The following CCDC178 variants were observed in gnomAD, a reference collection of about 807,000 sequenced individuals.
CCDC178 encodes coiled-coil domain-containing protein 178.
A neutral mutation model predicts 117.4 loss-of-function variants in CCDC178; 126 were observed. The observed-to-expected ratio is 1.07, with a 90% CI of 0.93 to 1.24. The LOEUF (loss-of-function observed/expected upper bound fraction) is 1.24, where lower values mean the gene tolerates loss of function less well. Ranked by LOEUF, CCDC178 falls within the 50% of genes most tolerant of loss-of-function variation. CCDC178 has a pLI of 0.00. For missense variants in CCDC178, 1,030 were observed against 986.9 expected, an observed-to-expected ratio of 1.04 and a Z score of -0.59; for synonymous variants, 283 against 313.4, an observed-to-expected ratio of 0.90 and a Z score of 1.02.
intron 9 of CCDC178, among the ~76,000 whole-genome samples, chr18:33,334,072 G>A (rs946581033): frequency 1.5e-4 from 23 of 151,086 alleles, no homozygotes; most frequent in Non-Finnish European, 1.3e-4. Flanking sequence ...ATATCAGAAC[G>A]AAAAAGGCAA....
intron 11 of CCDC178, among the ~76,000 whole-genome samples, chr18:33,296,769 T>C (rs1274636852): frequency 6.6e-6 from 1 of 152,184 alleles, no homozygotes; most frequent in East Asian, 1.9e-4. Context: ...GGCTCACACC[T>C]GTAATCCTAG....
intron 20 of CCDC178, among the ~76,000 whole-genome samples, chr18:33,096,366 T>TTTTTATATTTTATATAAAAATATAAAAA (rs1567986030): frequency 1.3e-4 from 18 of 134,088 alleles, no homozygotes; most frequent in Admixed American, 6.5e-4. Context: ...AAATATAAAA[T>TTTTTATATTTTATATAAAAATATAAAAA]TTTTATATTT....
chr18:33,327,918 T>C (rs567125215), intron 10 of CCDC178, among the ~76,000 whole-genome samples: 14 of 152,082 alleles, frequency 9.2e-5, no homozygotes, highest in Non-Finnish European at 1.8e-4. Flanking sequence ...TTGAGATACA[T>C]ATAATTTGCA....
intron 3 of CCDC178, among the ~76,000 whole-genome samples, chr18:33,400,140 T>G (rs2063691990): frequency 6.6e-6 from 1 of 150,516 alleles, no homozygotes; most frequent in Non-Finnish European, 1.5e-5. Flanking sequence ...CATAGTGGCC[T>G]TAAAACATTC....
chr18:33,118,141 T>C (rs546244414), intron 20 of CCDC178, among the ~76,000 whole-genome samples: 1 of 152,176 alleles, frequency 6.6e-6, no homozygotes, highest in African/African-American at 2.4e-5. Context: ...AAGTCACTGG[T>C]TTTATCATGT....
intron 20 of CCDC178, among the ~76,000 whole-genome samples, chr18:33,164,103 CTTTTTTTT>C (rs34932085): frequency 2.7e-5 from 3 of 111,382 alleles, no homozygotes; most frequent in Non-Finnish European, 3.6e-5. Flanking sequence ...CGCTTACATT[CTTTTTTTT>C]TTTTTTTTTT....
chr18:32,956,319 T>C (rs1236707646), intron 22 of CCDC178, among the ~76,000 whole-genome samples: 1 of 152,192 alleles, frequency 6.6e-6, no homozygotes, highest in Non-Finnish European at 1.5e-5. Context: ...ATTTTTTACG[T>C]AACTAAGAAA....
Position 33,148,176 on chromosome 18 carries a change from C to T in CCDC178, c.2239-55266G>A, listed in dbSNP as rs9964391. ...TGAGACTCCGTCTGCAATCCTGGCA[C>T]CTCGGGAGGCCGAGGCTGGCAGATC... On this transcript the variant is annotated intron_variant, in intron 20 of 22. Coordinates refer to ENST00000383096, the MANE Select transcript of CCDC178 (RefSeq NM_001105528.4). Among the ~76,000 whole-genome samples the T allele has an allele frequency of 7.4e-3, 1,133 of 152,370 alleles. 19 individuals are homozygous for T. The highest frequency in any genetic ancestry group is 0.026 in the African/African-American group (1,070 of 41,586).
At chr18:33,264,181 T>C (rs2059785867) in intron 14 of CCDC178, among the ~76,000 whole-genome samples, 1 of 152,262 alleles carries the variant, frequency 6.6e-6, no homozygotes, top group East Asian at 1.9e-4. Flanking sequence ...ATGTAATATA[T>C]ACTTGCTGCC....
At chr18:33,003,110 T>C (rs1314197203) in intron 21 of CCDC178, among the ~76,000 whole-genome samples, 1 of 152,132 alleles carries the variant, frequency 6.6e-6, no homozygotes, top group African/African-American at 2.4e-5. Flanking sequence ...AAAGAAGAGC[T>C]AATACCAATC....
intron 7 of CCDC178, among the ~76,000 whole-genome samples, chr18:33,351,172 GTGTGTGTGTGTA>G (rs1000083010): frequency 1.5e-4 from 22 of 151,296 alleles, no homozygotes; most frequent in African/African-American, 3.9e-4. Flanking sequence ...GTGTGTGTGT[GTGTGTGTGTGTA>G]TAGTTTTTGT....
chr18:33,243,291 C>T (rs2059509595), intron 15 of CCDC178, among the ~76,000 whole-genome samples: 1 of 151,694 alleles, frequency 6.6e-6, no homozygotes, highest in Non-Finnish European at 1.5e-5. Context: ...TTAAAGGATG[C>T]TAAATGATGG....
intron 21 of CCDC178, among the ~76,000 whole-genome samples, chr18:32,998,926 A>G (rs1444935149): frequency 1.3e-5 from 2 of 152,052 alleles, no homozygotes; most frequent in Non-Finnish European, 2.9e-5. Flanking sequence ...GGCTACGGAA[A>G]GAGGCTCCTT....
At chr18:33,036,124 T>C (rs1462113578) in intron 21 of CCDC178, among the ~76,000 whole-genome samples, 2 of 151,954 alleles carry the variant, frequency 1.3e-5, no homozygotes, top group African/African-American at 4.8e-5. Flanking sequence ...GACACAAGCC[T>C]AAACTCTTTA....
chr18:33,215,445 TA>T, intron 19 of CCDC178, 104 bp downstream of exon 19: 1 of 739,126 alleles, frequency 1.4e-6, no homozygotes, highest in Non-Finnish European at 2.0e-6. Flanking sequence ...ACGTTATAAT[TA>T]AAAATACGAA....
At chr18:33,052,021 T>G (rs1384503799) in intron 21 of CCDC178, among the ~76,000 whole-genome samples, 7 of 152,200 alleles carry the variant, frequency 4.6e-5, no homozygotes, top group African/African-American at 1.4e-4. Context: ...TGTTTTATGC[T>G]TTTAGATGGG....
chr18:33,173,843 GT>G (rs2058633126), intron 20 of CCDC178, among the ~76,000 whole-genome samples: 1 of 152,126 alleles, frequency 6.6e-6, no homozygotes, highest in East Asian at 1.9e-4. Context: ...GTATTCTCGA[GT>G]TTTACAGTCA....
At chr18:32,955,246 T>G (rs1165408588) in intron 22 of CCDC178, among the ~76,000 whole-genome samples, 1 of 152,222 alleles carries the variant, frequency 6.6e-6, no homozygotes, top group Non-Finnish European at 1.5e-5. Flanking sequence ...GAAGCTTCTT[T>G]GCATGCCACA....
intron 21 of CCDC178, among the ~76,000 whole-genome samples, chr18:33,039,921 C>A (rs1325198881): frequency 6.6e-6 from 1 of 151,816 alleles, no homozygotes; most frequent in African/African-American, 2.4e-5. Flanking sequence ...GGATCGACTA[C>A]AATTGCTGAC....
Sources: gnomAD v4.1 joint callset for allele counts (sites outside exome capture counted in the v4.1 genomes callset) on GRCh38, gnomAD v4.1.1 for gene constraint, MANE v1.5 for transcripts, NCBI Gene and HGNC (gene_info 2026-07-23, HGNC 2026-07-21) for gene names.